Variants in EGFR observed in about 807,000 individuals in gnomAD.
The protein encoded by EGFR is avian erythroblastic leukemia viral (v-erb-b) oncogene homolog.
Under a neutral mutation model 143.0 loss-of-function variants are expected in EGFR, and 58 were observed. The ratio of observed to expected loss-of-function variants is 0.41; its 90% CI spans 0.33 to 0.50. The LOEUF is 0.50. Among genes scored for constraint, EGFR ranks in the 20% least tolerant of loss-of-function variants. The probability of loss-of-function intolerance (pLI) is 0.39; values close to 1 mark genes in which losing one functional copy is unlikely to be tolerated. For synonymous variants in EGFR, 613 were observed against 594.4 expected (o/e 1.03, Z -0.45); for missense variants, 1,307 against 1,579.0 (o/e 0.83, Z 2.92).
At chr7:55,185,335 C>T (rs2128960936) in intron 20 of EGFR, among the ~76,000 whole-genome samples, 1 of 152,308 alleles carries the variant, frequency 6.6e-6, no homozygotes, top group Admixed American at 6.5e-5. Flanking sequence ...CCTAAATTCC[C>T]CACACAGGAG....
At chr7:55,163,600 T>C in intron 13 of EGFR, 133 bp from the exon 14 acceptor site, 5 of 743,882 alleles carry the variant, frequency 6.7e-6, no homozygotes, top group Non-Finnish European at 1.2e-5. Flanking sequence ...CAGCTGATTA[T>C]ATTACTATAT....
intron 1 of EGFR, among the ~76,000 whole-genome samples, chr7:55,105,694 G>A (rs922339368): frequency 2.6e-5 from 4 of 152,198 alleles, no homozygotes; most frequent in Non-Finnish European, 5.9e-5. Flanking sequence ...CATCCAGGGT[G>A]AATCACAAAA....
Position 55,194,124 on chromosome 7 carries a change from C to A in EGFR, c.2701+1283C>A, listed in dbSNP as rs553479016. ...ATTTATTTTGTCCTCAAGCAGCCCG[C>A]CCCTCCCACTCCAGGCACAGCCCGG... On this transcript the variant is annotated intron_variant, in intron 22 of 27. Coordinates refer to ENST00000275493, the MANE Select transcript of EGFR (RefSeq NM_005228.5). Among the ~76,000 whole-genome samples, 14 of 152,300 alleles carry A rather than the reference C, an allele frequency of 9.2e-5. No individual in the cohort carries two copies. In the East Asian group the frequency reaches 1.9e-3, roughly 21 times the overall value.
At chr7:55,192,870 T>G in intron 22 of EGFR, 29 bp downstream of exon 22, 1 of 1,604,034 alleles carries the variant, frequency 6.2e-7, no homozygotes, top group Non-Finnish European at 8.5e-7. Context: ...GCTAATGAGT[T>G]TGTACTGAGG....
At chr7:55,020,554 T>C (rs1327681861) in intron 1 of EGFR, among the ~76,000 whole-genome samples, 1 of 103,770 alleles carries the variant, frequency 9.6e-6, no homozygotes, top group Non-Finnish European at 2.0e-5. Context: ...ATATTAAACC[T>C]GTCTTACACA....
At chr7:55,129,162 T>A (rs6593207) in intron 1 of EGFR, among the ~76,000 whole-genome samples, 1 of 152,116 alleles carries the variant, frequency 6.6e-6, no homozygotes, top group African/African-American at 2.4e-5. Flanking sequence ...TGAGTGCTCA[T>A]ACATGAGAGA....
At position 55,068,608 on chromosome 7, in the gene EGFR, T is replaced by C. The variant is rs549718287; in HGVS notation, c.88+49243T>C. ...GATCTGCTCCTGGTCGTTTCTGTTC[T>C]GTATCTTCTCTGCAGCCCTTACTGA... On this transcript the variant is annotated intron_variant, in intron 1 of 27. Transcript: ENST00000275493. Among the ~76,000 whole-genome samples, 23 of 152,348 alleles carry C rather than the reference T, an allele frequency of 1.5e-4. 1 individual carries two copies. In the East Asian group the frequency reaches 4.4e-3, roughly 29 times the overall value.
At chr7:55,189,890 G>A (rs2128963063) in intron 20 of EGFR, among the ~76,000 whole-genome samples, 1 of 152,354 alleles carries the variant, frequency 6.6e-6, no homozygotes, top group South Asian at 2.1e-4. Flanking sequence ...AGTTGAACCA[G>A]CAAGAGGCTG....
chr7:55,202,954 T>A (rs1787919699), intron 27 of EGFR: 1 of 585,208 alleles, frequency 1.7e-6, no homozygotes, highest in African/African-American at 1.9e-5. Context: ...TGTGTGTGTG[T>A]ATGTGTGTGT....
At chr7:55,137,217 G>A (rs543552631) in intron 1 of EGFR, among the ~76,000 whole-genome samples, 5 of 152,322 alleles carry the variant, frequency 3.3e-5, no homozygotes, top group African/African-American at 1.2e-4. Context: ...CTGGGCTGGG[G>A]ATGGAAGCAG....
rs17290755 is a variant in EGFR at position 55,205,652 on chromosome 7, C to G, written c.*35C>G. On this transcript the variant is annotated 3_prime_UTR_variant, in exon 28 of 28. Transcript: ENST00000275493. ...ATAGTATGAGCCCTAAAAATCCAGA[C>G]TCTTTCGATACCCAGGACCAAGCCA... 4.3e-6 allele frequency: 7 copies of G among 1,613,848 alleles called. No homozygotes were observed. The highest frequency in any genetic ancestry group is 5.9e-6 in the Non-Finnish European group (7 of 1,179,938).
chr7:55,059,359 T>G (rs993320642), intron 1 of EGFR, among the ~76,000 whole-genome samples: 2 of 152,188 alleles, frequency 1.3e-5, no homozygotes, highest in Non-Finnish European at 2.9e-5. Context: ...TTTCAGGGAG[T>G]TCCAGCACGG....
rs1785820815 is a variant in EGFR, at chr7:55,163,767, A to G, written c.1666A>G (p.Ile556Val). 6.8e-6 allele frequency: 11 copies of G among 1,614,206 alleles called. No individual in the cohort carries two copies. The highest frequency in any genetic ancestry group is 7.6e-6 in the Non-Finnish European group (9 of 1,180,028). The change falls in exon 14 of 28, where the codon ATA (isoleucine) becomes GTA (valine). Residue 556 changes from isoleucine to valine, a missense_variant. Physicochemically the swap from Ile to Val is conservative, Grantham distance 29 (BLOSUM62 3). Transcript: ENST00000275493. ...GGAGTTTGTGGAGAACTCTGAGTGC[A>G]TACAGTGCCACCCAGAGTGCCTGCC... is the stretch of plus-strand genomic sequence containing the variant. The part of the protein sequence containing the change: ...PREFVENSEC[I>V]QCHPECLPQA...
chr7:55,059,598 C>A (rs1443233491), intron 1 of EGFR, among the ~76,000 whole-genome samples: 1 of 152,064 alleles, frequency 6.6e-6, no homozygotes, highest in Non-Finnish European at 1.5e-5. Context: ...CCTGGCCCTA[C>A]AAGTCCCCTC....
intron 1 of EGFR, among the ~76,000 whole-genome samples, chr7:55,120,371 C>A (rs1450988491): frequency 6.6e-6 from 1 of 152,224 alleles, no homozygotes; most frequent in Non-Finnish European, 1.5e-5. Flanking sequence ...GGATGTTGAG[C>A]AACTTTATTA....
chr7:55,024,438 G>A (rs986862309), intron 1 of EGFR, among the ~76,000 whole-genome samples: 9 of 152,096 alleles, frequency 5.9e-5, no homozygotes, highest in Admixed American at 1.3e-4. Context: ...GGAGAGACTC[G>A]GAGTCCAAGT....
intron 1 of EGFR, among the ~76,000 whole-genome samples, chr7:55,045,348 G>A (rs1419569313): frequency 3.3e-5 from 5 of 152,096 alleles, no homozygotes; most frequent in East Asian, 3.8e-4. Context: ...AATAAATTAC[G>A]TATATTTTAA....
chr7:55,154,090 A>G lies in EGFR; in HGVS notation c.827A>G (p.Gln276Arg), dbSNP rs771396903. Residue 276 changes from glutamine to arginine, a missense_variant, in exon 7 of 28, where the codon CAG (glutamine) becomes CGG (arginine). Coordinates refer to ENST00000275493, the MANE Select transcript of EGFR (RefSeq NM_005228.5). ...ATGCTCTACAACCCCACCACGTACC[A>G]GATGGATGTGAACCCCGAGGGCAAA... ...PLMLYNPTTY[Q>R]MDVNPEGKYS... The G allele has an allele frequency of 8.7e-6, 14 of 1,614,046 alleles. No individual in the cohort carries two copies. Among genetic ancestry groups the G allele is most frequent in the Non-Finnish European group, 1.2e-5 (14 of 1,180,046 alleles).
At chr7:55,183,753 G>GGCTT (rs1787001152) in intron 20 of EGFR, among the ~76,000 whole-genome samples, 1 of 152,230 alleles carries the variant, frequency 6.6e-6, no homozygotes, top group Non-Finnish European at 1.5e-5. Context: ...GTTGGTTTAT[G>GGCTT]GCTTACTTGA....
Sources: gnomAD v4.1 joint callset for allele counts (sites outside exome capture counted in the v4.1 genomes callset) on GRCh38, gnomAD v4.1.1 for gene constraint, MANE v1.5 for transcripts, NCBI Gene and HGNC (gene_info 2026-07-23, HGNC 2026-07-21) for gene names.